USP36: variants seen among roughly 807,000 people sequenced by gnomAD.
The protein encoded by USP36 is ubiquitin specific peptidase 36.
Under a neutral mutation model 111.5 loss-of-function variants are expected in USP36, and 59 were observed. The observed-to-expected ratio is 0.53, with a 90% CI of 0.43 to 0.66. USP36 has a LOEUF of 0.66. Ranked by LOEUF, USP36 falls within the 30% of genes least tolerant of loss-of-function variation. The pLI, the probability that USP36 is intolerant of heterozygous loss-of-function variation, is 0.00. For synonymous variants in USP36, 628 were observed against 581.0 expected, an observed-to-expected ratio of 1.08 and a Z score of -1.16; for missense variants, 1,488 against 1,468.0, an observed-to-expected ratio of 1.01 and a Z score of -0.22.
chr17:78,819,117 G>A lies in USP36; in HGVS notation c.912-339C>T, dbSNP rs114987270. Reference sequence around the variant, plus strand: ...AGCAGATGTGGCTGAGTGATAAAACGGGCAGGCAGGAAGTCAACGTAAGCA... The same window carrying A: ...AGCAGATGTGGCTGAGTGATAAAACAGGCAGGCAGGAAGTCAACGTAAGCA... On this transcript the variant is annotated intron_variant, in intron 9 of 20. Transcript: ENST00000449938. The A allele has an allele frequency of 2.7e-3, 516 of 192,952 alleles. 1 individual carries two copies. The highest frequency in any genetic ancestry group is 0.011 in the African/African-American group (468 of 42,244). 12.0% of individuals were successfully genotyped at this position (192,952 alleles called of 1,614,324 possible).
intron 4 of USP36, among the ~76,000 whole-genome samples, chr17:78,830,815 T>C (rs2068014418): frequency 6.6e-6 from 1 of 150,976 alleles, no homozygotes; most frequent in South Asian, 2.1e-4. Flanking sequence ...AAAGGGGAGG[T>C]TTTTTTCATT....
At position 78,798,569 on chromosome 17, in the gene USP36, G is replaced by A. The variant is rs775921818; in HGVS notation, c.3241-18C>T. On this transcript the variant is annotated intron_variant, in intron 19 of 20. Coordinates refer to ENST00000449938, the MANE Select transcript of USP36 (RefSeq NM_001385174.1). The surrounding 1 kb of genome is among the most constrained non-coding windows in gnomAD (Gnocchi z 5.1). ...TTCTTTTCCTAGACCAAGAATCACA[G>A]GCATCACAGTTCCCAAAAACGGCTC... The A allele has an allele frequency of 1.9e-6, 3 of 1,611,248 alleles. No homozygotes were observed. Among genetic ancestry groups the A allele is most frequent in the East Asian group, 2.2e-5 (1 of 44,872 alleles).
intron 6 of USP36, among the ~76,000 whole-genome samples, chr17:78,826,192 T>C (rs1171325158): frequency 6.6e-6 from 1 of 152,116 alleles, no homozygotes; most frequent in East Asian, 1.9e-4. Context: ...AAGGAATGCA[T>C]CCTAGGAGTG....
chr17:78,819,879 C>T, intron 9 of USP36, 51 bp downstream of exon 9: 1 of 1,590,176 alleles, frequency 6.3e-7, no homozygotes, highest in Non-Finnish European at 8.6e-7. Context: ...GGTGAGGGGA[C>T]TTATTTCCCG....
chr17:78,814,468 C>A lies in USP36; in HGVS notation c.1108G>T (p.Val370Phe). ...GDPVMYGLYA[V>F]LVHSGYSCHA... is the part of the protein sequence containing the mutation. ...CAGCTGTAGCCCGAGTGCACCAGGACAGCATAGAGTCCATACATGACAGGA... is the reference window on the plus strand; with the variant it reads ...CAGCTGTAGCCCGAGTGCACCAGGAAAGCATAGAGTCCATACATGACAGGA... The change falls in exon 11 of 21, where the codon GTC (valine) becomes TTC (phenylalanine). Residue 370 changes from valine to phenylalanine, a missense_variant. Coordinates refer to ENST00000449938, the MANE Select transcript of USP36 (RefSeq NM_001385174.1). 1 of 1,614,168 alleles carries A rather than the reference C, an allele frequency of 6.2e-7. No individual in the cohort carries two copies. The highest frequency in any genetic ancestry group is 1.1e-5 in the South Asian group (1 of 91,088).
intron 13 of USP36, among the ~76,000 whole-genome samples, chr17:78,812,536 A>C (rs930588686): frequency 6.6e-6 from 1 of 151,810 alleles, no homozygotes; most frequent in Non-Finnish European, 1.5e-5. Flanking sequence ...AAAAATACAA[A>C]AAAAATTAGC....
chr17:78,825,808 A>G (rs1188437064), intron 6 of USP36, among the ~76,000 whole-genome samples: 3 of 152,292 alleles, frequency 2.0e-5, no homozygotes, highest in East Asian at 3.9e-4. Flanking sequence ...CTCCCCCTGC[A>G]GGTGCTGGGG....
At chr17:78,804,459 CA>C (rs1178119637) in intron 15 of USP36, among the ~76,000 whole-genome samples, 73 of 58,838 alleles carry the variant, frequency 1.2e-3, no homozygotes, top group Middle Eastern at 8.9e-3. Flanking sequence ...GACTCCGTCT[CA>C]AAAAAAAAAA....
At chr17:78,836,765 A>G (rs2068713814) in intron 2 of USP36, among the ~76,000 whole-genome samples, 1 of 151,616 alleles carries the variant, frequency 6.6e-6, no homozygotes, top group African/African-American at 2.4e-5. Context: ...GGGGCACACT[A>G]ATTCTCACAT....
At chr17:78,821,819 G>C (rs2094337744) in intron 7 of USP36, 118 bp downstream of exon 7, 2 of 1,162,410 alleles carry the variant, frequency 1.7e-6, no homozygotes, top group Non-Finnish European at 1.2e-6. Flanking sequence ...AGACCTCAGA[G>C]ACTGACCCAG....
Position 78,835,284 on chromosome 17 carries a change from G to A in USP36, c.471C>T (p.Arg157=), listed in dbSNP as rs200494132. Residue 157 remains arginine (R), a synonymous_variant, in exon 4 of 21, where the codon CGC becomes CGT. Transcript: ENST00000449938. ...CTGCTGCAAACCCACACTCACAGCTGCGAGCATGCTCCTTGGAGAGCAGGT... is the reference window on the plus strand; with the variant it reads ...CTGCTGCAAACCCACACTCACAGCTACGAGCATGCTCCTTGGAGAGCAGGT... ...ANYLLSKEHA[R]SCHQGSFCML... 1 of 1,614,056 alleles carries A rather than the reference G, an allele frequency of 6.2e-7. No homozygotes were observed. The highest frequency in any genetic ancestry group is 8.5e-7 in the Non-Finnish European group (1 of 1,179,996).
intron 10 of USP36, 106 bp downstream of exon 10, chr17:78,818,561 C>A: frequency 1.1e-6 from 1 of 936,196 alleles, no homozygotes. Context: ...GGGACAGGTA[C>A]TGTGTAAACA....
chr17:78,807,930 C>T (rs2093952613), intron 13 of USP36, among the ~76,000 whole-genome samples: 1 of 152,322 alleles, frequency 6.6e-6, no homozygotes, highest in Admixed American at 6.5e-5. Context: ...TCTCAAACTT[C>T]TGGCCTCGAG....
intron 15 of USP36, 138 bp downstream of exon 15, chr17:78,806,018 C>T: frequency 1.4e-6 from 2 of 1,434,498 alleles, no homozygotes; most frequent in East Asian, 2.4e-5. Context: ...GTCAGTGACG[C>T]CCCCCTGTAC....
In USP36 at chr17:78,816,347, C is replaced by G. The variant is rs558721260; in HGVS notation, c.1024-1795G>C. On this transcript the variant is annotated intron_variant, in intron 10 of 20. Coordinates refer to ENST00000449938, the MANE Select transcript of USP36 (RefSeq NM_001385174.1). Reference sequence around the variant, plus strand: ...GCCAATTAATAAAAATTTTTTAGGCCGGGCATGATGGCTCACACCTATAAT... The same window carrying G: ...GCCAATTAATAAAAATTTTTTAGGCGGGGCATGATGGCTCACACCTATAAT... Among the ~76,000 whole-genome samples the G allele has an allele frequency of 3.3e-5, 5 of 151,902 alleles. No homozygotes were observed. The South Asian group carries it at 1.0e-3, about 32-fold the overall frequency.
chr17:78,792,644 T>C (rs1018975379), downstream of USP36, among the ~76,000 whole-genome samples: 8 of 152,164 alleles, frequency 5.3e-5, no homozygotes, highest in African/African-American at 1.7e-4. Context: ...TGGTGCTCAC[T>C]TGAGTTTGAG....
intron 13 of USP36, among the ~76,000 whole-genome samples, chr17:78,810,455 C>A (rs527586723): frequency 6.6e-6 from 1 of 152,180 alleles, no homozygotes; most frequent in South Asian, 2.1e-4. Context: ...ACCTGGCTAG[C>A]TTTTGCATTT....
At chr17:78,795,602 GATGT>G (rs1377380607), downstream of USP36, 1 of 151,972 alleles carries the variant, frequency 6.6e-6, no homozygotes. The surrounding 1 kb of genome is among the most constrained non-coding windows in gnomAD (Gnocchi z 4.5). Context: ...CTGTGGTTGG[GATGT>G]ACTTTAAAAA....
intron 4 of USP36, among the ~76,000 whole-genome samples, chr17:78,832,145 A>G (rs1275955031): frequency 6.6e-6 from 1 of 152,212 alleles, no homozygotes; most frequent in Non-Finnish European, 1.5e-5. Flanking sequence ...TTTGGGAAAC[A>G]AAAGGACAGG....
Sources: gnomAD v4.1 joint callset for allele counts (sites outside exome capture counted in the v4.1 genomes callset) on GRCh38, gnomAD v4.1.1 for gene constraint, Gnocchi (gnomAD v3.1) non-coding constraint, MANE v1.5 for transcripts, NCBI Gene and HGNC (gene_info 2026-07-23, HGNC 2026-07-21) for gene names.